The following DGKB variants were observed in gnomAD, a reference collection of about 807,000 sequenced individuals.
DGKB encodes diacylglycerol kinase beta.
In DGKB, 67 loss-of-function variants were observed where a neutral mutation model predicts 114.3. The observed-to-expected ratio is 0.59, with a 90% CI of 0.48 to 0.72. The LOEUF (loss-of-function observed/expected upper bound fraction) is 0.72, where lower values mean the gene tolerates loss of function less well. DGKB is among the 30% of genes least tolerant of loss of function. The probability of loss-of-function intolerance (pLI) is 0.00; values close to 1 mark genes in which losing one functional copy is unlikely to be tolerated. For synonymous variants in DGKB, 398 were observed against 323.1 expected (o/e 1.23, Z -2.49); for missense variants, 907 against 975.2 (o/e 0.93, Z 0.93).
intron 21 of DGKB, among the ~76,000 whole-genome samples, chr7:14,477,675 G>C (rs961859801): frequency 2.0e-5 from 3 of 152,130 alleles, no homozygotes; most frequent in Non-Finnish European, 4.4e-5. Flanking sequence ...TCTCCTTGAA[G>C]AAATGTCTCT....
At chr7:14,343,594 C>T (rs1018311510) in intron 22 of DGKB, among the ~76,000 whole-genome samples, 1 of 151,300 alleles carries the variant, frequency 6.6e-6, no homozygotes, top group Non-Finnish European at 1.5e-5. Flanking sequence ...TAAATCTGTG[C>T]TCAAGGGTAG....
intron 1 of DGKB, among the ~76,000 whole-genome samples, chr7:14,968,279 G>A (rs1787277239): frequency 6.6e-6 from 1 of 151,736 alleles, no homozygotes; most frequent in African/African-American, 2.4e-5. Flanking sequence ...CTAACTTGAG[G>A]CTTTAGAACA....
intron 14 of DGKB, among the ~76,000 whole-genome samples, chr7:14,624,891 C>G (rs1432574082): frequency 6.6e-6 from 1 of 151,924 alleles, no homozygotes; most frequent in Non-Finnish European, 1.5e-5. Context: ...CCCAGTTACT[C>G]TGGAAGCTGA....
intron 2 of DGKB, among the ~76,000 whole-genome samples, chr7:14,783,574 G>A (rs10266838): frequency 6.8e-4 from 103 of 152,298 alleles, no homozygotes; most frequent in African/African-American, 2.3e-3. Flanking sequence ...GAGTGGTTAT[G>A]TATGGTCATT....
At chr7:14,745,250 A>G (rs1833105680) in intron 4 of DGKB, among the ~76,000 whole-genome samples, 1 of 152,218 alleles carries the variant, frequency 6.6e-6, no homozygotes. Flanking sequence ...GCGATCATGC[A>G]ACCAGAGTCT....
rs368347688 is a variant in DGKB, at chr7:14,224,705, T to C, written c.2123-46554A>G. ...ATTCTAGTCCACCACCACCACCAAA[T>C]GCCCCATTTTTCCCTCTTGTGGTGT... On this transcript the variant is annotated intron_variant, in intron 23 of 25. Coordinates refer to ENST00000402815, the MANE Select transcript of DGKB (RefSeq NM_001350709.2). 2.6e-4 allele frequency among the ~76,000 whole-genome samples: 40 copies of C among 152,124 alleles called. No individual in the cohort carries two copies. In the South Asian group the frequency reaches 7.3e-3, roughly 28 times the overall value.
At chr7:14,496,742 T>G (rs1289557847) in intron 20 of DGKB, among the ~76,000 whole-genome samples, 1 of 151,844 alleles carries the variant, frequency 6.6e-6, no homozygotes, top group African/African-American at 2.4e-5. Flanking sequence ...ACAGAAGCAA[T>G]AACTTTTGCT....
rs1019263845 is a variant in DGKB at position 14,927,190 on chromosome 7, G to A, written c.-188+47506C>T. Among the ~76,000 whole-genome samples the A allele has an allele frequency of 2.0e-5, 3 of 151,882 alleles. No individual in the cohort carries two copies. In the South Asian group the frequency reaches 6.2e-4, roughly 32 times the overall value. ...TATAAATGATGATTTAGAATTTGTGGGGTCTGATTTTATTAAGGGATAAGG... is the reference window on the plus strand; with the variant it reads ...TATAAATGATGATTTAGAATTTGTGAGGTCTGATTTTATTAAGGGATAAGG... On this transcript the variant is annotated intron_variant, in intron 1 of 4. Transcript: ENST00000437998.
intron 9 of DGKB, among the ~76,000 whole-genome samples, chr7:14,688,187 C>A (rs767703069): frequency 6.6e-6 from 1 of 152,102 alleles, no homozygotes; most frequent in African/African-American, 2.4e-5. Context: ...TTTCTATCAG[C>A]CAGTAGAGCA....
At chr7:14,878,774 A>AAC (rs1935959004) in intron 1 of DGKB, among the ~76,000 whole-genome samples, 1 of 151,672 alleles carries the variant, frequency 6.6e-6, no homozygotes, top group Non-Finnish European at 1.5e-5. Context: ...AAAAACAAAA[A>AAC]AAAAAAACCA....
intron 15 of DGKB, among the ~76,000 whole-genome samples, chr7:14,618,984 C>A (rs748052803): frequency 6.6e-6 from 1 of 151,340 alleles, no homozygotes; most frequent in Non-Finnish European, 1.5e-5. Context: ...TTGATAAATA[C>A]AACACAAAAT....
At chr7:14,510,341 T>C (rs1158862831) in intron 20 of DGKB, among the ~76,000 whole-genome samples, 1 of 152,188 alleles carries the variant, frequency 6.6e-6, no homozygotes, top group Non-Finnish European at 1.5e-5. Context: ...ATAGTCTACA[T>C]CCTTTGTTGG....
intron 20 of DGKB, among the ~76,000 whole-genome samples, chr7:14,516,120 T>C (rs1399777140): frequency 6.6e-6 from 1 of 152,156 alleles, no homozygotes; most frequent in African/African-American, 2.4e-5. Flanking sequence ...AGTGCTAGGA[T>C]TACAGGCATG....
At chr7:14,889,164 A>G (rs1334365541) in intron 1 of DGKB, among the ~76,000 whole-genome samples, 1 of 151,662 alleles carries the variant, frequency 6.6e-6, no homozygotes, top group Non-Finnish European at 1.5e-5. Flanking sequence ...CATATCAGCA[A>G]ATTATCCTTG....
intron 1 of DGKB, among the ~76,000 whole-genome samples, chr7:14,886,884 T>C (rs1383453510): frequency 1.3e-5 from 2 of 151,926 alleles, no homozygotes; most frequent in Admixed American, 6.6e-5. Flanking sequence ...TCCTGCTTAA[T>C]CTCCTATCAT....
At chr7:14,501,096 A>C (rs907735853) in intron 20 of DGKB, among the ~76,000 whole-genome samples, 2 of 151,922 alleles carry the variant, frequency 1.3e-5, no homozygotes. Context: ...TATTCTCAAG[A>C]TAAGAATTGG....
intron 23 of DGKB, among the ~76,000 whole-genome samples, chr7:14,313,409 G>C (rs999231575): frequency 9.2e-5 from 14 of 152,082 alleles, no homozygotes; most frequent in African/African-American, 2.7e-4. Flanking sequence ...CAGGTCAGTG[G>C]GTGTGCGCAC....
chr7:14,736,812 A>C (rs7783453), intron 4 of DGKB, among the ~76,000 whole-genome samples: 97,945 of 152,098 alleles, frequency 0.64, 35,246 homozygotes, highest in Non-Finnish European at 0.81. Context: ...AAATGATTAG[A>C]CATTTATTTG....
intron 2 of DGKB, among the ~76,000 whole-genome samples, chr7:14,772,609 T>C (rs533166943): frequency 1.3e-5 from 2 of 152,272 alleles, no homozygotes; most frequent in South Asian, 2.1e-4. Context: ...AATGTAGCTA[T>C]TGGATATGAT....
Sources: gnomAD v4.1 joint callset for allele counts (sites outside exome capture counted in the v4.1 genomes callset) on GRCh38, gnomAD v4.1.1 for gene constraint, MANE v1.5 for transcripts, NCBI Gene and HGNC (gene_info 2026-07-23, HGNC 2026-07-21) for gene names.